Variants in CCDC172 observed in about 807,000 individuals in gnomAD.
The protein encoded by CCDC172 is coiled-coil domain containing 172, also known as coiled-coil domain-containing protein 172.
In CCDC172, 30 loss-of-function variants were observed where a neutral mutation model predicts 38.0. The observed-to-expected ratio is 0.79, with a 90% CI of 0.59 to 1.07. The LOEUF (loss-of-function observed/expected upper bound fraction) is 1.07, where lower values mean the gene tolerates loss of function less well. Among genes scored for constraint, CCDC172 ranks in the 50% least tolerant of loss-of-function variants. The probability of loss-of-function intolerance (pLI) is 0.00; values close to 1 mark genes in which losing one functional copy is unlikely to be tolerated. For missense variants in CCDC172, 297 were observed against 290.1 expected, an observed-to-expected ratio of 1.02 and a Z score of -0.17; for synonymous variants, 78 against 88.3, an observed-to-expected ratio of 0.88 and a Z score of 0.66.
chr10:116,336,762 G>A (rs1172443131), intron 3 of CCDC172, among the ~76,000 whole-genome samples: 3 of 151,976 alleles, frequency 2.0e-5, no homozygotes, highest in Admixed American at 2.0e-4. Context: ...CCTCAAGGCC[G>A]AGATTATTTT....
intron 5 of CCDC172, among the ~76,000 whole-genome samples, chr10:116,346,657 A>G (rs1844871143): frequency 1.5e-5 from 1 of 67,712 alleles, no homozygotes; most frequent in African/African-American, 3.3e-5. Context: ...TAAAATTAAG[A>G]AAAAAAAAAG....
intron 7 of CCDC172, among the ~76,000 whole-genome samples, chr10:116,366,658 G>A (rs1196398802): frequency 1.3e-5 from 2 of 152,170 alleles, no homozygotes; most frequent in African/African-American, 2.4e-5. Context: ...GTGCACATAT[G>A]CAAGAGTTGT....
At chr10:116,370,377 G>A (rs534184941) in intron 7 of CCDC172, among the ~76,000 whole-genome samples, 3 of 151,900 alleles carry the variant, frequency 2.0e-5, no homozygotes, top group Non-Finnish European at 4.4e-5. Flanking sequence ...TGTATATGCT[G>A]TATAATATAG....
At chr10:116,330,710 A>C (rs1449712466) in intron 3 of CCDC172, among the ~76,000 whole-genome samples, 1 of 152,072 alleles carries the variant, frequency 6.6e-6, no homozygotes, top group Admixed American at 6.6e-5. Context: ...GAGTCCAGCT[A>C]TCTTCTTTTT....
In CCDC172 at chr10:116,325,044, C is replaced by A. The variant is rs1397866006; in HGVS notation, c.33C>A (p.Ile11=). The A allele has an allele frequency of 6.2e-7, 1 of 1,614,102 alleles. No individual in the cohort carries two copies. The highest frequency in any genetic ancestry group is 8.5e-7 in the Non-Finnish European group (1 of 1,180,018). MSLESLFQHI[I]FTEHQAEESR... ...TGGAGTCCCTGTTTCAGCACATCAT[C>A]TTCACCGAGCATCAGGCGGAGGAGA... Residue 11 remains isoleucine, a synonymous_variant, in exon 2 of 9, where the codon ATC becomes ATA. Coordinates refer to ENST00000333254, the MANE Select transcript of CCDC172 (RefSeq NM_198515.3).
chr10:116,351,456 C>G (rs146969805), intron 5 of CCDC172, among the ~76,000 whole-genome samples: 1 of 152,186 alleles, frequency 6.6e-6, no homozygotes, highest in East Asian at 1.9e-4. Flanking sequence ...GTTCAACATG[C>G]TTTCTTGAGC....
In CCDC172 at chr10:116,357,825, G is replaced by T. The variant is rs764775651; in HGVS notation, c.551-11G>T. Reference sequence around the variant, plus strand: ...TTTCAAAAGATTGCAACTATTTTTTGATTTGTTTAGTTTTTGAAGATGAAG... The same window carrying T: ...TTTCAAAAGATTGCAACTATTTTTTTATTTGTTTAGTTTTTGAAGATGAAG... On this transcript the variant is annotated splice_polypyrimidine_tract_variant and intron_variant, in intron 6 of 8. Transcript: ENST00000333254. The T allele has an allele frequency of 4.3e-5, 56 of 1,289,710 alleles. No homozygotes were observed. Among genetic ancestry groups the T allele is most frequent in the Non-Finnish European group, 5.4e-5 (49 of 914,908 alleles). The allele number at this position is 1,289,710 out of a possible 1,614,324, so 79.9% of individuals were successfully genotyped here. A position where few individuals can be genotyped will look rare whatever the true frequency, so the allele number is the denominator to read the frequency against.
Position 116,362,656 on chromosome 10 carries a change from G to C in CCDC172, c.653+4718G>C, listed in dbSNP as rs142883733. Among the ~76,000 whole-genome samples, 185 of 152,314 alleles carry C rather than the reference G, an allele frequency of 1.2e-3. 2 individuals carry two copies. The highest frequency in any genetic ancestry group is 0.01 in the Admixed American group (154 of 15,292). On this transcript the variant is annotated intron_variant, in intron 7 of 8. Transcript: ENST00000333254. ...AGAGTAACAAGATCTCAGTTCTACA[G>C]TGTCCTCAAAATATTAGTCAAATAG...
At chr10:116,374,101 G>A (rs1845217005) in intron 7 of CCDC172, among the ~76,000 whole-genome samples, 1 of 152,112 alleles carries the variant, frequency 6.6e-6, no homozygotes, top group Non-Finnish European at 1.5e-5. Context: ...TACCTGCACT[G>A]TATATGCTAC....
At chr10:116,343,579 C>T (rs1844827522) in intron 5 of CCDC172, among the ~76,000 whole-genome samples, 2 of 151,052 alleles carry the variant, frequency 1.3e-5, no homozygotes, top group South Asian at 4.2e-4. Context: ...TTGTCCTGTG[C>T]CTGCTTCCAT....
chr10:116,334,366 T>C (rs1161602534), intron 3 of CCDC172, among the ~76,000 whole-genome samples: 3 of 152,220 alleles, frequency 2.0e-5, no homozygotes, highest in Admixed American at 2.0e-4. Flanking sequence ...AGTGTTTATT[T>C]ATTGCAAATT....
intron 5 of CCDC172, 128 bp downstream of exon 5, chr10:116,342,329 T>G (rs1272106723): frequency 1.5e-6 from 1 of 685,858 alleles, no homozygotes; most frequent in Non-Finnish European, 2.3e-6. Context: ...CTTTTACTTT[T>G]ATTGATTTAA....
At chr10:116,377,426 C>G (rs1845260298) in intron 7 of CCDC172, among the ~76,000 whole-genome samples, 1 of 152,110 alleles carries the variant, frequency 6.6e-6, no homozygotes, top group African/African-American at 2.4e-5. Context: ...ACTTTAACAA[C>G]TCCAAACCCC....
chr10:116,353,409 CT>C (rs1182208319), intron 5 of CCDC172, among the ~76,000 whole-genome samples: 1 of 152,064 alleles, frequency 6.6e-6, no homozygotes, highest in African/African-American at 2.4e-5. Context: ...GTTAAAAACT[CT>C]TGTGTTTCAA....
chr10:116,332,683 C>T (rs1226351475), intron 3 of CCDC172, among the ~76,000 whole-genome samples: 1 of 151,736 alleles, frequency 6.6e-6, no homozygotes, highest in Non-Finnish European at 1.5e-5. Flanking sequence ...TGTTTTCTTC[C>T]CTGATTGCTT....
chr10:116,375,259 C>T (rs1245791778), intron 7 of CCDC172, among the ~76,000 whole-genome samples: 1 of 151,918 alleles, frequency 6.6e-6, no homozygotes, highest in Non-Finnish European at 1.5e-5. Flanking sequence ...GGCTGTGGGT[C>T]TAAATTTTTT....
At chr10:116,349,990 A>G (rs1844911823) in intron 5 of CCDC172, among the ~76,000 whole-genome samples, 1 of 152,234 alleles carries the variant, frequency 6.6e-6, no homozygotes, top group Admixed American at 6.5e-5. Flanking sequence ...ATATCATTTC[A>G]CAGAGAAGGA....
chr10:116,360,567 G>A (rs1845050573), intron 7 of CCDC172, among the ~76,000 whole-genome samples: 1 of 152,140 alleles, frequency 6.6e-6, no homozygotes, highest in South Asian at 2.1e-4. Context: ...TGTGGAAAAA[G>A]CTTTACAAGT....
At chr10:116,344,427 A>G (rs1235201685) in intron 5 of CCDC172, among the ~76,000 whole-genome samples, 1 of 152,226 alleles carries the variant, frequency 6.6e-6, no homozygotes, top group Non-Finnish European at 1.5e-5. Context: ...GTATTTGTCT[A>G]CCTAAACATA....
Sources: gnomAD v4.1 joint callset for allele counts (sites outside exome capture counted in the v4.1 genomes callset) on GRCh38, gnomAD v4.1.1 for gene constraint, MANE v1.5 for transcripts, NCBI Gene and HGNC (gene_info 2026-07-23, HGNC 2026-07-21) for gene names.